Variants in RBFOX1 observed in about 807,000 individuals in gnomAD.
RBFOX1 encodes RNA binding protein fox-1 homolog 1.
In RBFOX1, 8 loss-of-function variants were observed where a neutral mutation model predicts 57.7. The observed-to-expected ratio is 0.14, with a 90% CI of 0.08 to 0.25. The LOEUF is 0.25. RBFOX1 is among the 10% of genes least tolerant of loss of function. RBFOX1 has a pLI of 1.00. For missense variants in RBFOX1, 611 were observed against 548.5 expected, an observed-to-expected ratio of 1.11 and a Z score of -1.14; for synonymous variants, 326 against 222.4, an observed-to-expected ratio of 1.47 and a Z score of -4.15.
chr16:7,494,753 C>A (rs746945208), intron 4 of RBFOX1, among the ~76,000 whole-genome samples: 1 of 151,408 alleles, frequency 6.6e-6, no homozygotes. Flanking sequence ...CTGGAAGTGG[C>A]TTTCATTCCG....
chr16:5,747,006 C>G (rs1445156087), intron 3 of RBFOX1, among the ~76,000 whole-genome samples: 1 of 152,154 alleles, frequency 6.6e-6, no homozygotes, highest in East Asian at 1.9e-4. Context: ...GAGGGCATCC[C>G]TGTCTTGTGT....
At chr16:6,891,430 G>C (rs7193512) in intron 3 of RBFOX1, among the ~76,000 whole-genome samples, 72,279 of 151,878 alleles carry the variant, frequency 0.48, 17,573 homozygotes, top group East Asian at 0.65. Flanking sequence ...CTACCTAATA[G>C]TACCTTGTTG....
At chr16:6,697,838 T>C (rs201400458) in intron 3 of RBFOX1, among the ~76,000 whole-genome samples, 1 of 152,184 alleles carries the variant, frequency 6.6e-6, no homozygotes, top group Non-Finnish European at 1.5e-5. Context: ...TTTAGCCTTC[T>C]CCAGGGACAC....
At chr16:6,977,059 G>C (rs898388378) in intron 3 of RBFOX1, among the ~76,000 whole-genome samples, 9 of 135,682 alleles carry the variant, frequency 6.6e-5, no homozygotes, top group Non-Finnish European at 1.3e-4. Context: ...TATCATGTAT[G>C]AGATATACTT....
At chr16:7,315,071 G>C (rs948304036) in intron 4 of RBFOX1, among the ~76,000 whole-genome samples, 2 of 140,592 alleles carry the variant, frequency 1.4e-5, no homozygotes, top group African/African-American at 5.3e-5. Flanking sequence ...AATCTTTCAA[G>C]ATACCAGCAG....
chr16:6,130,914 C>T (rs1177504966), intron 1 of RBFOX1, among the ~76,000 whole-genome samples: 2 of 152,088 alleles, frequency 1.3e-5, no homozygotes, highest in African/African-American at 2.4e-5. Flanking sequence ...GATAAATCTG[C>T]AGTCATAGTT....
At chr16:6,661,605 C>T (rs1422177419) in intron 3 of RBFOX1, among the ~76,000 whole-genome samples, 2 of 152,100 alleles carry the variant, frequency 1.3e-5, no homozygotes, top group African/African-American at 2.4e-5. Context: ...TGAAAGTCAG[C>T]AGGGGAATAA....
At chr16:5,926,692 G>A (rs909235078) in intron 4 of RBFOX1, among the ~76,000 whole-genome samples, 3 of 152,176 alleles carry the variant, frequency 2.0e-5, no homozygotes, top group African/African-American at 7.2e-5. Flanking sequence ...AAGACTTGGG[G>A]TCTGCAAACA....
intron 4 of RBFOX1, among the ~76,000 whole-genome samples, chr16:7,194,610 AC>A (rs1439249591): frequency 6.6e-6 from 1 of 152,154 alleles, no homozygotes; most frequent in Non-Finnish European, 1.5e-5. Flanking sequence ...TCCCAGAAAC[AC>A]TTCGTTTTAT....
rs1006101307 is a variant in RBFOX1, at chr16:6,874,919, A to G, written c.-15-177138A>G. Among the ~76,000 whole-genome samples, 20 of 152,154 alleles carry G rather than the reference A, an allele frequency of 1.3e-4. 1 individual carries two copies. Among genetic ancestry groups the G allele is most frequent in the Non-Finnish European group, 1.0e-4 (7 of 68,022 alleles). ...CACAAAACTATTGAAATAATAATAA[A>G]AGAAAAACATTGTTGAAAAGATAAA... On this transcript the variant is annotated intron_variant, in intron 3 of 15. Coordinates refer to ENST00000550418, the MANE Select transcript of RBFOX1 (RefSeq NM_018723.4).
chr16:6,802,892 T>G (rs1221748289), intron 3 of RBFOX1, among the ~76,000 whole-genome samples: 1 of 152,222 alleles, frequency 6.6e-6, no homozygotes, highest in Non-Finnish European at 1.5e-5. Context: ...AGTGGAATTG[T>G]GCAAAGAAGT....
At position 6,433,874 on chromosome 16, in the gene RBFOX1, G is replaced by A. The variant is rs2094164707; in HGVS notation, c.-64+116817G>A. ...TTTTTTTTTTTTTTTTGAGATGGGG[G>A]TCTCACTCTGTTTCCCATACTGGAA... On this transcript the variant is annotated intron_variant, in intron 2 of 15. Coordinates refer to ENST00000550418, the MANE Select transcript of RBFOX1 (RefSeq NM_018723.4). Among the ~76,000 whole-genome samples the A allele has an allele frequency of 2.8e-5, 4 of 144,506 alleles. No homozygotes were observed. In the South Asian group the frequency reaches 8.7e-4, roughly 32 times the overall value. The allele number at this position is 144,506 out of a possible 152,430, so 94.8% of individuals were successfully genotyped here. A position where few individuals can be genotyped will look rare whatever the true frequency, so the allele number is the denominator to read the frequency against.
intron 3 of RBFOX1, among the ~76,000 whole-genome samples, chr16:6,917,528 A>G (rs1034960521): frequency 1.3e-5 from 2 of 152,224 alleles, no homozygotes; most frequent in African/African-American, 4.8e-5. Flanking sequence ...GTCCAAAGGA[A>G]GATCAATGCT....
chr16:6,301,306 A>G (rs1221203759), intron 1 of RBFOX1, among the ~76,000 whole-genome samples: 46 of 152,212 alleles, frequency 3.0e-4, no homozygotes, highest in Admixed American at 3.0e-3. Context: ...GACTATGGCT[A>G]GAAATTAAGT....
At chr16:6,717,158 A>G (rs1292319435) in intron 3 of RBFOX1, among the ~76,000 whole-genome samples, 1 of 152,170 alleles carries the variant, frequency 6.6e-6, no homozygotes, top group Non-Finnish European at 1.5e-5. Flanking sequence ...TGTGTTTAAG[A>G]TGCACGGTCT....
chr16:7,694,163 C>G (rs1037514211), intron 14 of RBFOX1, among the ~76,000 whole-genome samples: 1 of 152,102 alleles, frequency 6.6e-6, no homozygotes, highest in Admixed American at 6.6e-5. Flanking sequence ...AAACTATGAC[C>G]AAAACAATCA....
At chr16:6,500,906 C>G (rs1408982607) in intron 2 of RBFOX1, among the ~76,000 whole-genome samples, 6 of 15,450 alleles carry the variant, frequency 3.9e-4, no homozygotes, top group Non-Finnish European at 1.5e-3. Flanking sequence ...TTTTTTAATG[C>G]TGAGACATCC....
At chr16:6,205,492 A>G (rs1368822938) in intron 1 of RBFOX1, among the ~76,000 whole-genome samples, 1 of 152,186 alleles carries the variant, frequency 6.6e-6, no homozygotes, top group East Asian at 1.9e-4. Flanking sequence ...CATGTTTATA[A>G]ATATGTATGC....
At chr16:6,670,850 ATT>A (rs386788310) in intron 3 of RBFOX1, among the ~76,000 whole-genome samples, 10,211 of 151,952 alleles carry the variant, frequency 0.067, 384 homozygotes, top group African/African-American at 0.077. Context: ...GCAAAAAAAA[ATT>A]AGCCGGGCAT....
Sources: gnomAD v4.1 joint callset for allele counts (sites outside exome capture counted in the v4.1 genomes callset) on GRCh38, gnomAD v4.1.1 for gene constraint, MANE v1.5 for transcripts, NCBI Gene and HGNC (gene_info 2026-07-23, HGNC 2026-07-21) for gene names.